Variants in PCM1 observed in about 807,000 individuals in gnomAD.
PCM1 encodes the protein pericentriolar material 1.
Under a neutral mutation model 241.9 loss-of-function variants are expected in PCM1, and 157 were observed. The ratio of observed to expected loss-of-function variants is 0.65; its 90% CI spans 0.57 to 0.74. The LOEUF (loss-of-function observed/expected upper bound fraction) is 0.74. Among genes scored for constraint, PCM1 ranks in the 30% least tolerant of loss-of-function variants. PCM1 has a pLI of 0.00. For synonymous variants in PCM1, 1,085 were observed against 784.9 expected (o/e 1.38, Z -6.39); for missense variants, 3,478 against 2,360.1 (o/e 1.47, Z -9.81).
chr8:17,937,097 A>G, intron 3 of PCM1, 37 bp from the exon 4 acceptor site: 1 of 1,481,662 alleles, frequency 6.7e-7, no homozygotes, highest in South Asian at 1.3e-5. Context: ...CTGGTTTGAT[A>G]CAGGCCATGT....
At chr8:17,955,222 C>T (rs1008702599) in intron 9 of PCM1, among the ~76,000 whole-genome samples, 1 of 151,918 alleles carries the variant, frequency 6.6e-6, no homozygotes, top group Non-Finnish European at 1.5e-5. Context: ...TCTTTCCTTT[C>T]TGTTTTAACC....
intron 24 of PCM1, among the ~76,000 whole-genome samples, chr8:17,984,124 A>G (rs2081848696): frequency 1.3e-5 from 2 of 152,118 alleles, no homozygotes; most frequent in Non-Finnish European, 2.9e-5. Flanking sequence ...TTTAAATGGC[A>G]TATTCATTAT....
At chr8:17,998,473 G>T (rs1395921627) in intron 29 of PCM1, among the ~76,000 whole-genome samples, 3 of 152,202 alleles carry the variant, frequency 2.0e-5, no homozygotes, top group Non-Finnish European at 2.9e-5. Flanking sequence ...GAATTACCAG[G>T]TGGAGACTTC....
chr8:18,027,488 T>A (rs1588909827), intron 38 of PCM1, 149 bp from the exon 39 acceptor site: 1 of 512,346 alleles, frequency 2.0e-6, no homozygotes, highest in Admixed American at 3.2e-5. Context: ...TTTTACTGTG[T>A]GCTATTAGGG....
chr8:17,975,914 C>T (rs940443844), intron 23 of PCM1, among the ~76,000 whole-genome samples: 2 of 152,088 alleles, frequency 1.3e-5, no homozygotes, highest in Non-Finnish European at 2.9e-5. Flanking sequence ...TGATTTCCTG[C>T]CTTACTGAGT....
chr8:17,966,817 G>A (rs1033664223), intron 20 of PCM1, among the ~76,000 whole-genome samples, 163 bp from the exon 21 acceptor site: 2 of 152,240 alleles, frequency 1.3e-5, no homozygotes, highest in Non-Finnish European at 1.5e-5. Context: ...CAGAGGGAAA[G>A]TTATTGAATT....
At chr8:18,025,216 C>A in intron 36 of PCM1, 145 bp from the exon 37 acceptor site, 1 of 310,592 alleles carries the variant, frequency 3.2e-6, no homozygotes, top group Admixed American at 5.5e-5. Flanking sequence ...TTCCTATGAA[C>A]TGCATATTTC....
chr8:17,929,518 A>G (rs1276518557), intron 2 of PCM1, among the ~76,000 whole-genome samples: 1 of 152,186 alleles, frequency 6.6e-6, no homozygotes, highest in African/African-American at 2.4e-5. Flanking sequence ...CAAACTCTCC[A>G]TTTCTAAAAC....
At chr8:17,962,759 T>C (rs926959252) in intron 16 of PCM1, among the ~76,000 whole-genome samples, 26 of 151,738 alleles carry the variant, frequency 1.7e-4, no homozygotes, top group African/African-American at 6.3e-4. Context: ...AAAAATTAGC[T>C]AGGTGTAGTG....
At chr8:17,975,189 G>A (rs2078304354) in intron 23 of PCM1, among the ~76,000 whole-genome samples, 1 of 152,064 alleles carries the variant, frequency 6.6e-6, no homozygotes, top group African/African-American at 2.4e-5. Flanking sequence ...TGTTCCTTTT[G>A]TGCTATAGGA....
In PCM1 at chr8:17,938,964, G is replaced by A. The variant is rs2061239461; in HGVS notation, c.567G>A (p.Val189=). The A allele has an allele frequency of 6.2e-7, 1 of 1,613,592 alleles. No individual in the cohort carries two copies. Among genetic ancestry groups the A allele is most frequent in the African/African-American group, 1.3e-5 (1 of 74,918 alleles). The change falls in exon 5 of 39, where the codon GTG becomes GTA. Residue 189 remains valine, a synonymous_variant. Transcript: ENST00000325083. ...LSNDLLQNCQ[V]SEEDGRGEPA... Reference sequence around the variant, plus strand: ...ATGACCTCTTGCAAAACTGTCAGGTGTCTGAAGAAGATGGGAGGGGAGAAC... The same window carrying A: ...ATGACCTCTTGCAAAACTGTCAGGTATCTGAAGAAGATGGGAGGGGAGAAC...
chr8:17,986,296 A>G, intron 26 of PCM1: 1 of 354,304 alleles, frequency 2.8e-6, no homozygotes, highest in Non-Finnish European at 5.1e-6. Context: ...TTATGTATGT[A>G]TGATAGATTA....
chr8:17,929,665 T>G (rs959791354), intron 2 of PCM1, among the ~76,000 whole-genome samples: 2 of 152,172 alleles, frequency 1.3e-5, no homozygotes, highest in Non-Finnish European at 1.5e-5. Context: ...CTCTTCTGCT[T>G]CTTTATCGCC....
chr8:18,003,822 A>G (rs2090410254), intron 29 of PCM1, among the ~76,000 whole-genome samples: 1 of 152,108 alleles, frequency 6.6e-6, no homozygotes, highest in Admixed American at 6.5e-5. Flanking sequence ...TAGATTTTTT[A>G]TATAGATATT....
chr8:17,948,702 A>T (rs961713309), intron 7 of PCM1, among the ~76,000 whole-genome samples: 1 of 152,226 alleles, frequency 6.6e-6, no homozygotes, highest in Non-Finnish European at 1.5e-5. Flanking sequence ...TGTAAAATTT[A>T]AAGTACCATT....
chr8:17,935,510 T>C, intron 2 of PCM1, 79 bp from the exon 3 acceptor site: 3 of 617,070 alleles, frequency 4.9e-6, no homozygotes, highest in Admixed American at 5.1e-5. Flanking sequence ...AAGATTGTAT[T>C]GCTAAACTTC....
chr8:17,961,905 G>C (rs1586935832), intron 15 of PCM1, 129 bp from the exon 16 acceptor site: 1 of 639,452 alleles, frequency 1.6e-6, no homozygotes, highest in African/African-American at 1.9e-5. Context: ...GATGATGATG[G>C]AAGTCAGGGT....
chr8:17,966,255 T>C, intron 19 of PCM1, 37 bp downstream of exon 19: 1 of 1,608,958 alleles, frequency 6.2e-7, no homozygotes, highest in Non-Finnish European at 8.5e-7. Context: ...TTCGTCTATT[T>C]TTATAACTTC....
chr8:17,981,860 C>G (rs959548695), intron 24 of PCM1, among the ~76,000 whole-genome samples: 5 of 151,048 alleles, frequency 3.3e-5, no homozygotes, highest in African/African-American at 1.2e-4. Flanking sequence ...TGCCCTTAAT[C>G]CAGTAATTGT....
Sources: allele counts gnomAD v4.1 joint callset (sites outside exome capture counted in the v4.1 genomes callset), GRCh38; gene constraint gnomAD v4.1.1; transcripts MANE v1.5; gene names NCBI Gene and HGNC (gene_info 2026-07-23, HGNC 2026-07-21).